The following DNAAF11 variants were observed in gnomAD, a reference collection of about 807,000 sequenced individuals.
DNAAF11 encodes the protein leucine rich repeat containing 6.
A neutral mutation model predicts 60.8 loss-of-function variants in DNAAF11; 45 were observed. The observed-to-expected ratio is 0.74, with a 90% CI of 0.58 to 0.95. The LOEUF (loss-of-function observed/expected upper bound fraction) is 0.95. Among genes scored for constraint, DNAAF11 ranks in the 40% least tolerant of loss-of-function variants. The pLI, the probability that DNAAF11 is intolerant of heterozygous loss-of-function variation, is 0.00. For missense variants in DNAAF11, 546 were observed against 546.2 expected (o/e 1.00, Z 0.00); for synonymous variants, 191 against 183.5 (o/e 1.04, Z -0.33).
intron 3 of DNAAF11, among the ~76,000 whole-genome samples, chr8:132,649,691 T>C (rs1822799867): frequency 6.6e-6 from 1 of 152,048 alleles, no homozygotes; most frequent in African/African-American, 2.4e-5. Context: ...AATAACCCCA[T>C]CAACAAGTGG....
rs140835420 is a variant in DNAAF11 at position 132,611,325 on chromosome 8, G to A, written c.1013C>T (p.Pro338Leu). The A allele has an allele frequency of 4.9e-5, 79 of 1,611,810 alleles. No homozygotes were observed. Among genetic ancestry groups the A allele is most frequent in the South Asian group, 1.9e-4 (17 of 90,984 alleles). ...DTSLIDVDVQ[P>L]TYVRVMIKGK... is the part of the protein sequence containing the mutation. ...TTTGATCATTACTCGCACGTAAGTT[G>A]GTTGCACATCAACATCGATTAAAGA... Residue 338 changes from proline (P) to leucine (L), a missense_variant, in exon 9 of 12, where the codon CCA (proline) becomes CTA (leucine). Pro to Leu is a moderately conservative substitution (Grantham distance 98). Coordinates refer to ENST00000620350, the MANE Select transcript of DNAAF11 (RefSeq NM_012472.6).
rs954199898 is a variant in DNAAF11 at position 132,625,574 on chromosome 8, A to C, written c.654-120T>G. On this transcript the variant is annotated intron_variant, in intron 5 of 11. Transcript: ENST00000620350. ...TGATCTTCTTACCTTTGAATGACAA[A>C]GTGACTCTGAAAGACAGTTTAACCA... 6 of 767,852 alleles carry C rather than the reference A, an allele frequency of 7.8e-6. No homozygotes were observed. In the African/African-American group the frequency reaches 8.9e-5, roughly 11 times the overall value. 47.6% of individuals were successfully genotyped at this position (767,852 alleles called of 1,614,324 possible). A position where few individuals can be genotyped will look rare whatever the true frequency, so the allele number is the denominator to read the frequency against.
intron 3 of DNAAF11, among the ~76,000 whole-genome samples, chr8:132,650,018 G>A (rs7813232): frequency 8.4e-4 from 128 of 152,270 alleles, no homozygotes; most frequent in African/African-American, 2.9e-3. Flanking sequence ...CCATTACTGG[G>A]TATATACCCA....
intron 10 of DNAAF11, among the ~76,000 whole-genome samples, chr8:132,590,499 T>C (rs922752632): frequency 2.6e-5 from 4 of 152,226 alleles, no homozygotes; most frequent in Admixed American, 6.5e-5. Context: ...GTTTCCTGAA[T>C]TACTCCTAAA....
chr8:132,617,824 A>G (rs1206808210), intron 7 of DNAAF11, among the ~76,000 whole-genome samples: 2 of 151,424 alleles, frequency 1.3e-5, no homozygotes, highest in Non-Finnish European at 2.9e-5. Context: ...AGAACATTCC[A>G]TGCTCATGGG....
chr8:132,614,484 T>C (rs936256261), intron 8 of DNAAF11, among the ~76,000 whole-genome samples: 1 of 152,098 alleles, frequency 6.6e-6, no homozygotes, highest in Non-Finnish European at 1.5e-5. Flanking sequence ...GTCAAAGCCA[T>C]GGAGCTTTAG....
chr8:132,640,488 T>G (rs1240639427), intron 3 of DNAAF11, among the ~76,000 whole-genome samples: 3 of 152,198 alleles, frequency 2.0e-5, no homozygotes, highest in Non-Finnish European at 4.4e-5. Flanking sequence ...CTATTTCCTC[T>G]TATTCTCCAT....
intron 3 of DNAAF11, among the ~76,000 whole-genome samples, chr8:132,656,044 TAGA>T (rs979410344): frequency 2.0e-5 from 3 of 152,202 alleles, no homozygotes; most frequent in Non-Finnish European, 4.4e-5. Flanking sequence ...AAGTAAAATG[TAGA>T]AGGAGGCTTA....
At chr8:132,599,690 T>A (rs1462776269) in intron 10 of DNAAF11, among the ~76,000 whole-genome samples, 2 of 152,182 alleles carry the variant, frequency 1.3e-5, no homozygotes, top group Non-Finnish European at 2.9e-5. Flanking sequence ...ATTATCTCAA[T>A]AGATGCAGAA....
At chr8:132,595,451 A>G (rs1416439151) in intron 10 of DNAAF11, among the ~76,000 whole-genome samples, 1 of 151,664 alleles carries the variant, frequency 6.6e-6, no homozygotes, top group Non-Finnish European at 1.5e-5. Context: ...CCTTGTACAC[A>G]GCCTTCTGGG....
At chr8:132,593,073 T>C (rs1816629547) in intron 10 of DNAAF11, among the ~76,000 whole-genome samples, 1 of 151,168 alleles carries the variant, frequency 6.6e-6, no homozygotes, top group Non-Finnish European at 1.5e-5. Flanking sequence ...ATTTAAGGAA[T>C]GAGCAAAGGA....
chr8:132,591,477 T>C (rs969808667), intron 10 of DNAAF11, among the ~76,000 whole-genome samples: 10 of 151,932 alleles, frequency 6.6e-5, no homozygotes, highest in Non-Finnish European at 1.0e-4. Context: ...TAATATGTAA[T>C]GGAAATTTCT....
upstream of DNAAF11, among the ~76,000 whole-genome samples, chr8:132,675,919 G>T (rs770864695): frequency 2.1e-4 from 32 of 152,094 alleles, no homozygotes; most frequent in Non-Finnish European, 3.8e-4. Flanking sequence ...TCTGGATTTG[G>T]CCCCCAACTC....
chr8:132,674,810 C>A (rs967643074), intron 1 of DNAAF11, among the ~76,000 whole-genome samples: 2 of 152,252 alleles, frequency 1.3e-5, no homozygotes, highest in African/African-American at 2.4e-5. Context: ...ATTGCTTGAA[C>A]CCGGGAGGCG....
chr8:132,596,268 G>C (rs1488900870), intron 10 of DNAAF11, among the ~76,000 whole-genome samples: 1 of 152,100 alleles, frequency 6.6e-6, no homozygotes, highest in Non-Finnish European at 1.5e-5. Context: ...TAAAGATGTA[G>C]TTACTGATAT....
chr8:132,603,581 G>C (rs1201405354), intron 10 of DNAAF11, among the ~76,000 whole-genome samples: 1 of 151,620 alleles, frequency 6.6e-6, no homozygotes, highest in Non-Finnish European at 1.5e-5. Flanking sequence ...ACATCAAAGA[G>C]AGATGTTTTA....
At chr8:132,605,654 C>T (rs1818050972) in intron 10 of DNAAF11, among the ~76,000 whole-genome samples, 1 of 151,980 alleles carries the variant, frequency 6.6e-6, no homozygotes, top group African/African-American at 2.4e-5. Flanking sequence ...GACTGTACAG[C>T]AGGAACAGGA....
At chr8:132,617,066 A>G (rs1819238406) in intron 7 of DNAAF11, among the ~76,000 whole-genome samples, 1 of 152,188 alleles carries the variant, frequency 6.6e-6, no homozygotes, top group African/African-American at 2.4e-5. Context: ...ATGAATGGGT[A>G]CAATTATCTT....
At chr8:132,656,179 A>G (rs1823553549) in intron 3 of DNAAF11, among the ~76,000 whole-genome samples, 1 of 152,214 alleles carries the variant, frequency 6.6e-6, no homozygotes, top group South Asian at 2.1e-4. Context: ...CCTTTCCTGG[A>G]TATCAAAAAA....
Sources: gnomAD v4.1 joint callset for allele counts (sites outside exome capture counted in the v4.1 genomes callset) on GRCh38, gnomAD v4.1.1 for gene constraint, MANE v1.5 for transcripts, NCBI Gene and HGNC (gene_info 2026-07-23, HGNC 2026-07-21) for gene names.